Variants in PDHB observed in about 807,000 individuals in gnomAD.
PDHB encodes the protein pyruvate dehydrogenase E1 subunit beta.
Under a neutral mutation model 42.8 loss-of-function variants are expected in PDHB, and 17 were observed. The observed-to-expected ratio is 0.40, with a 90% CI of 0.27 to 0.60. The LOEUF (loss-of-function observed/expected upper bound fraction) is 0.60. Ranked by LOEUF, PDHB falls within the 20% of genes least tolerant of loss-of-function variation. The pLI, the probability that PDHB is intolerant of heterozygous loss-of-function variation, is 0.46. For missense variants in PDHB, 322 were observed against 451.3 expected (o/e 0.71, Z 2.60); for synonymous variants, 154 against 148.7 (o/e 1.04, Z -0.26).
chr3:58,433,582 A>T, intron 2 of PDHB, 49 bp downstream of exon 2: 1 of 1,568,590 alleles, frequency 6.4e-7, no homozygotes, highest in South Asian at 1.2e-5. Flanking sequence ...TTCCCGAGAG[A>T]AGGGGGGACC....
Position 58,431,862 on chromosome 3 carries a change from A to C in PDHB, c.204+15T>G, listed in dbSNP as rs377743897. 1.9e-6 allele frequency: 3 copies of C among 1,608,242 alleles called. No individual in the cohort carries two copies. The highest frequency in any genetic ancestry group is 2.6e-6 in the Non-Finnish European group (3 of 1,174,666). The stretch of plus-strand genomic sequence containing the variant: ...GTGACCTCAATTTTGTATAACTTTC[A>C]TATATTTTAGTTACCTTGTATGCCC... On this transcript the variant is annotated intron_variant, in intron 3 of 9. Transcript: ENST00000302746. The surrounding 1 kb of genome is among the most constrained non-coding windows in gnomAD (Gnocchi z 4.4).
chr3:58,430,366 C>A (rs1193447460), intron 6 of PDHB, 128 bp from the exon 7 acceptor site: 1 of 715,996 alleles, frequency 1.4e-6, no homozygotes, highest in African/African-American at 1.8e-5. Context: ...TCTACCATGA[C>A]CAGCAGCCTT....
intron 8 of PDHB, 52 bp from the exon 9 acceptor site, chr3:58,428,666 C>T: frequency 6.8e-7 from 1 of 1,476,104 alleles, no homozygotes; most frequent in Non-Finnish European, 9.5e-7. Flanking sequence ...ACAAATAGAG[C>T]CTTATCCCCA....
Position 58,428,194 on chromosome 3 carries a change from G to C in PDHB, c.935-15C>G. On this transcript the variant is annotated splice_polypyrimidine_tract_variant and intron_variant, in intron 9 of 9. Coordinates refer to ENST00000302746, the MANE Select transcript of PDHB (RefSeq NM_000925.4). ...GAACGCAGGACCTAGGAGAAGGAAGGCTCAACTGAGAGAGTGCAAATGCCA... is the reference window on the plus strand; with the variant it reads ...GAACGCAGGACCTAGGAGAAGGAAGCCTCAACTGAGAGAGTGCAAATGCCA... 1 of 1,613,244 alleles carries C rather than the reference G, an allele frequency of 6.2e-7. No homozygotes were observed. Among genetic ancestry groups the C allele is most frequent in the South Asian group, 1.1e-5 (1 of 91,042 alleles).
chr3:58,433,637 C>A lies in PDHB; in HGVS notation c.90G>T (p.Ala30=). The part of the protein sequence containing the change: ...KRRFHWTAPA[A]LQVTVRDAIN... The stretch of plus-strand genomic sequence containing the variant: ...GAGCACCCGCGCCTGTTACCTGCAG[C>A]GCAGCCGGCGCGGTCCAGTGAAAGC... Residue 30 remains alanine (A), a synonymous_variant, in exon 2 of 10, where the codon GCG becomes GCT. Coordinates refer to ENST00000302746, the MANE Select transcript of PDHB (RefSeq NM_000925.4). 1 of 1,610,828 alleles carries A rather than the reference C, an allele frequency of 6.2e-7. No homozygotes were observed. Among genetic ancestry groups the A allele is most frequent in the African/African-American group, 1.3e-5 (1 of 75,032 alleles).
rs1322814410 is a variant in PDHB at position 58,430,505 on chromosome 3, A to C, written c.589+152T>G. On this transcript the variant is annotated intron_variant, in intron 6 of 9. Transcript: ENST00000302746. ...CTTATATTCGGAAATAGGAAAAGCA[A>C]GCACATTCTTTACTATCTTTACTAT... The C allele has an allele frequency of 8.0e-6, 6 of 753,936 alleles. No individual in the cohort carries two copies. In the Admixed American group the frequency reaches 1.5e-4, roughly 19 times the overall value. The allele number at this position is 753,936 out of a possible 1,614,324, so 46.7% of individuals were successfully genotyped here.
rs11542399 is a variant in PDHB at position 58,431,949 on chromosome 3, A to G, written c.132T>C (p.Asp44=). ...TVRDAINQGM[D]EELERDEKVF... is the part of the protein sequence containing the mutation. ...CCTTCTCATCTCTTTCCAGCTCCTCATCCATACCCTGATTTATAGCATCAC... is the reference window on the plus strand; with the variant it reads ...CCTTCTCATCTCTTTCCAGCTCCTCGTCCATACCCTGATTTATAGCATCAC... Residue 44 remains aspartate (D), a synonymous_variant, in exon 3 of 10, where the codon GAT becomes GAC. Transcript: ENST00000302746. This position sits in a 1 kb window ranked among gnomAD's most constrained non-coding sequence, Gnocchi z 4.4. 2.4e-3 allele frequency: 3,851 copies of G among 1,613,904 alleles called. 7 individuals are homozygous for G. Among genetic ancestry groups the G allele is most frequent in the Non-Finnish European group, 2.6e-3 (3,023 of 1,179,794 alleles).
At position 58,427,787 on chromosome 3, in the gene PDHB, A is replaced by G. The variant is rs2062881628; in HGVS notation, c.*247T>C. Reference sequence around the variant, plus strand: ...TGTCCTTGTGGTGAGAGAGGATAAAATGTTATATAATTTGTTATTCAAAGA... The same window carrying G: ...TGTCCTTGTGGTGAGAGAGGATAAAGTGTTATATAATTTGTTATTCAAAGA... On this transcript the variant is annotated 3_prime_UTR_variant, in exon 10 of 10. Transcript: ENST00000302746. The G allele has an allele frequency of 1.8e-6, 1 of 559,654 alleles. No individual in the cohort carries two copies. Among genetic ancestry groups the G allele is most frequent in the Non-Finnish European group, 3.4e-6 (1 of 297,060 alleles). 34.7% of individuals were successfully genotyped at this position (559,654 alleles called of 1,614,324 possible). A position where few individuals can be genotyped will look rare whatever the true frequency, so the allele number is the denominator to read the frequency against.
chr3:58,430,155 T>TA lies in PDHB; in HGVS notation c.672dup (p.Ile225TyrfsTer34). 2.5e-6 allele frequency: 4 copies of TA among 1,610,710 alleles called. No homozygotes were observed. The highest frequency in any genetic ancestry group is 3.4e-6 in the Non-Finnish European group (4 of 1,177,058). The stretch of plus-strand genomic sequence containing the variant: ...TGCCTTTCTATTTTGGCTTTTCCAA[T>TA]AGGAATCAGAAAATCTTTTGACTGA... On this transcript the variant is annotated frameshift_variant, in exon 7 of 10. Transcript: ENST00000302746. LOFTEE classifies it high-confidence loss of function.
intron 2 of PDHB, 174 bp downstream of exon 2, chr3:58,433,457 G>A (rs2062941312): frequency 1.5e-6 from 1 of 684,274 alleles, no homozygotes; most frequent in African/African-American, 1.8e-5. Context: ...ACTCGCCGGT[G>A]TGCTAATTGC....
At chr3:58,429,320 A>C (rs1162938019) in intron 8 of PDHB, among the ~76,000 whole-genome samples, 1 of 152,186 alleles carries the variant, frequency 6.6e-6, no homozygotes, top group Non-Finnish European at 1.5e-5. Context: ...AGTTTCTAAA[A>C]GATCCAGAAC....
chr3:58,431,510 AAC>A lies in PDHB; in HGVS notation c.303+81_303+82del, dbSNP rs2062920265. 3.6e-6 allele frequency: 4 copies of A among 1,101,712 alleles called. No individual in the cohort carries two copies. The Admixed American group carries it at 6.8e-5, about 19-fold the overall frequency. 68.2% of individuals were successfully genotyped at this position (1,101,712 alleles called of 1,614,324 possible). A position where few individuals can be genotyped will look rare whatever the true frequency, so the allele number is the denominator to read the frequency against. On this transcript the variant is annotated intron_variant, in intron 5 of 9. Coordinates refer to ENST00000302746, the MANE Select transcript of PDHB (RefSeq NM_000925.4). This position sits in a 1 kb window ranked among gnomAD's most constrained non-coding sequence, Gnocchi z 4.4. ...GGTGCCAGTGCACTCCAGGCTGGAC[AAC>A]AGAGTGAGACTCTGTCTCAAAAGAA...
rs950518753 is a variant in PDHB at position 58,433,655 on chromosome 3, G to A, written c.72C>T (p.His24=). The change falls in exon 2 of 10, where the codon CAC becomes CAT. Residue 24 remains histidine, a synonymous_variant. Transcript: ENST00000302746. ...EVSGLLKRRF[H]WTAPAALQVT... Reference sequence around the variant, plus strand: ...CCTGCAGCGCAGCCGGCGCGGTCCAGTGAAAGCGCCTCTTCAGCAGCCCGG... The same window carrying A: ...CCTGCAGCGCAGCCGGCGCGGTCCAATGAAAGCGCCTCTTCAGCAGCCCGG... 5 of 1,612,358 alleles carry A rather than the reference G, an allele frequency of 3.1e-6. No homozygotes were observed. Among genetic ancestry groups the A allele is most frequent in the Non-Finnish European group, 4.2e-6 (5 of 1,179,628 alleles).
At chr3:58,430,326 A>G in intron 6 of PDHB, 88 bp from the exon 7 acceptor site, 1 of 945,272 alleles carries the variant, frequency 1.1e-6, no homozygotes, top group Non-Finnish European at 1.7e-6. Flanking sequence ...TCATCTTGTG[A>G]GAAGTTTCAT....
rs536665920 is a variant in PDHB, at chr3:58,431,555, A to C, written c.303+38T>G. On this transcript the variant is annotated intron_variant, in intron 5 of 9. Transcript: ENST00000302746. The surrounding 1 kb of genome is among the most constrained non-coding windows in gnomAD (Gnocchi z 4.4). Reference sequence around the variant, plus strand: ...CAAAAGAAAAAAAAAGAAAACAAGAAATGTCTTTGGATAAGTTTCATAAAG... The same window carrying C: ...CAAAAGAAAAAAAAAGAAAACAAGACATGTCTTTGGATAAGTTTCATAAAG... 2 of 1,527,670 alleles carry C rather than the reference A, an allele frequency of 1.3e-6. No homozygotes were observed. Among genetic ancestry groups the C allele is most frequent in the Non-Finnish European group, 1.8e-6 (2 of 1,103,148 alleles). The allele number at this position is 1,527,670 out of a possible 1,614,324, so 94.6% of individuals were successfully genotyped here.
At chr3:58,429,512 G>T (rs1417845457) in intron 8 of PDHB, among the ~76,000 whole-genome samples, 196 bp downstream of exon 8, 1 of 152,032 alleles carries the variant, frequency 6.6e-6, no homozygotes, top group Non-Finnish European at 1.5e-5. Flanking sequence ...CAAAAAAAAA[G>T]ATCCAGAACC....
In PDHB at chr3:58,433,831, C is replaced by G; in HGVS notation, c.-22G>C. The stretch of plus-strand genomic sequence containing the variant: ...CCATCTTGGTCGTGTCCTCTATCCG[C>G]TGCCAAACGACAACAGAGGGGCCGG... On this transcript the variant is annotated 5_prime_UTR_variant, in exon 1 of 10. Coordinates refer to ENST00000302746, the MANE Select transcript of PDHB (RefSeq NM_000925.4). 3.7e-6 allele frequency: 6 copies of G among 1,606,932 alleles called. No individual in the cohort carries two copies. The highest frequency in any genetic ancestry group is 5.1e-6 in the Non-Finnish European group (6 of 1,177,510).
At chr3:58,430,035 A>T in intron 7 of PDHB, 93 bp downstream of exon 7, 1 of 811,158 alleles carries the variant, frequency 1.2e-6, no homozygotes, top group Middle Eastern at 2.2e-4. Context: ...ATAATTTTTC[A>T]GTCAAAGTAA....
At position 58,431,439 on chromosome 3, in the gene PDHB, T is replaced by C; in HGVS notation, c.303+154A>G. On this transcript the variant is annotated intron_variant, in intron 5 of 9. Coordinates refer to ENST00000302746, the MANE Select transcript of PDHB (RefSeq NM_000925.4). This position sits in a 1 kb window ranked among gnomAD's most constrained non-coding sequence, Gnocchi z 4.4. ...TGGCGCGACCTGTAACCCCAGCCAC[T>C]ATGGAGGCTGAGGCAGGAGAATTGC... The C allele has an allele frequency of 8.5e-6, 6 of 704,706 alleles. No individual in the cohort carries two copies. The highest frequency in any genetic ancestry group is 1.5e-5 in the Non-Finnish European group (6 of 396,386). 43.7% of individuals were successfully genotyped at this position (704,706 alleles called of 1,614,324 possible).
Sources: allele counts gnomAD v4.1 joint callset (sites outside exome capture counted in the v4.1 genomes callset), GRCh38; gene constraint gnomAD v4.1.1; non-coding constraint Gnocchi (gnomAD v3.1); transcripts MANE v1.5; gene names NCBI Gene and HGNC (gene_info 2026-07-23, HGNC 2026-07-21).